The following CASP6 variants were observed in gnomAD, a reference collection of about 807,000 sequenced individuals.
CASP6 encodes the protein caspase 6, also known as caspase-6.
A neutral mutation model predicts 31.8 loss-of-function variants in CASP6; 20 were observed. The ratio of observed to expected loss-of-function variants is 0.63; its 90% CI spans 0.44 to 0.91. The LOEUF (loss-of-function observed/expected upper bound fraction) is 0.91. Among genes scored for constraint, CASP6 ranks in the 40% least tolerant of loss-of-function variants. CASP6 has a pLI of 0.00. For synonymous variants in CASP6, 130 were observed against 127.8 expected, an observed-to-expected ratio of 1.02 and a Z score of -0.12; for missense variants, 328 against 361.1, an observed-to-expected ratio of 0.91 and a Z score of 0.74.
At chr4:109,682,752 C>T in the CASP6 span, 1 of 1,601,856 alleles carries the variant, frequency 6.2e-7, no homozygotes, top group Admixed American at 1.7e-5. Context: ...GGTTAGGAAG[C>T]ATCACGGTTG....
the CASP6 span, among the ~76,000 whole-genome samples, chr4:109,680,734 C>A: frequency 1.3e-5 from 2 of 152,198 alleles, no homozygotes; most frequent in African/African-American, 4.8e-5. Context: ...GGACTACTGA[C>A]ACAAACTGGA....
downstream of CASP6, chr4:109,684,668 T>C (rs1729796654): frequency 8.6e-7 from 1 of 1,158,536 alleles, no homozygotes; most frequent in Admixed American, 1.8e-5. Context: ...GTTAGGAAAA[T>C]GGTAAGTTAG....
chr4:109,664,681 G>C, the CASP6 span, among the ~76,000 whole-genome samples: 2 of 152,078 alleles, frequency 1.3e-5, no homozygotes, highest in African/African-American at 4.8e-5. Flanking sequence ...TTTCCAGAGG[G>C]AGCAAAGTTT....
rs60978760 is a variant in CASP6 at position 109,690,196 on chromosome 4, T to TACAC, written c.644-632_644-629dup. On this transcript the variant is annotated intron_variant, in intron 6 of 6. Coordinates refer to ENST00000265164, the MANE Select transcript of CASP6 (RefSeq NM_001226.4). ...TGAGACTATTAAAAAAAAAAAAAAATACACACACACACACACGTCTGGGCA... is the reference window on the plus strand; with the variant it reads ...TGAGACTATTAAAAAAAAAAAAAAATACACACACACACACACACACGTCTGGGCA... 4.1e-3 allele frequency among the ~76,000 whole-genome samples: 472 copies of TACAC among 113,932 alleles called. 14 individuals carry two copies. The South Asian group carries it at 0.062, about 15-fold the overall frequency. The allele number at this position is 113,932 out of a possible 152,430, so 74.7% of individuals were successfully genotyped here.
chr4:109,705,814 T>A (rs1197068932), upstream of CASP6, among the ~76,000 whole-genome samples: 2 of 136,584 alleles, frequency 1.5e-5, no homozygotes, highest in African/African-American at 5.3e-5. Flanking sequence ...GTCTCTACAA[T>A]TTTTTTTTTT....
chr4:109,672,644 GT>G, the CASP6 span, among the ~76,000 whole-genome samples: 1 of 152,188 alleles, frequency 6.6e-6, no homozygotes, highest in Admixed American at 6.5e-5. Flanking sequence ...ATGTGGGAGA[GT>G]TTCTGGAGGT....
chr4:109,685,698 A>T (rs1399244325), downstream of CASP6, among the ~76,000 whole-genome samples: 1 of 152,250 alleles, frequency 6.6e-6, no homozygotes, highest in Non-Finnish European at 1.5e-5. Flanking sequence ...AAGGAACTTA[A>T]GGCATTTATA....
At chr4:109,687,371 TATATA>T (rs1554021462), downstream of CASP6, 11 of 579,360 alleles carry the variant, frequency 1.9e-5, no homozygotes, top group Middle Eastern at 2.7e-4. Flanking sequence ...GAAAAATATA[TATATA>T]TTTCAGCCAT....
chr4:109,698,248 G>T, intron 2 of CASP6, 52 bp downstream of exon 2: 1 of 1,561,338 alleles, frequency 6.4e-7, no homozygotes, highest in Non-Finnish European at 8.7e-7. Flanking sequence ...TCTGTAGGCT[G>T]ATCATGACCA....
chr4:109,685,417 A>G (rs1416032337), downstream of CASP6: 1 of 770,104 alleles, frequency 1.3e-6, no homozygotes, highest in Non-Finnish European at 2.3e-6. Flanking sequence ...GCCAGAACTT[A>G]GTATCAGGGA....
At chr4:109,674,251 T>C in the CASP6 span, 338 of 673,156 alleles carry the variant, frequency 5.0e-4, 2 homozygotes, top group African/African-American at 5.5e-3. Context: ...TTTTGAATAC[T>C]GGCTTCCTTT....
intron 6 of CASP6, 68 bp downstream of exon 6, chr4:109,690,778 CCAAT>C: frequency 3.4e-6 from 5 of 1,490,184 alleles, no homozygotes; most frequent in Non-Finnish European, 4.5e-6. Flanking sequence ...CTGACCCAAA[CCAAT>C]CAAAGGTGAA....
the CASP6 span, chr4:109,682,849 C>T: frequency 2.5e-6 from 2 of 808,168 alleles, no homozygotes; most frequent in Non-Finnish European, 3.8e-6. Flanking sequence ...TAATTTTCTC[C>T]TTTACGCCTC....
At chr4:109,672,030 A>C in the CASP6 span, among the ~76,000 whole-genome samples, 775 of 152,138 alleles carry the variant, frequency 5.1e-3, 3 homozygotes, top group African/African-American at 0.018. Flanking sequence ...CTGTTAATGT[A>C]GTGGTAAGAT....
At chr4:109,684,390 CCTT>C, downstream of CASP6, 1 of 1,418,570 alleles carries the variant, frequency 7.0e-7, no homozygotes, top group Non-Finnish European at 9.6e-7. Flanking sequence ...GCTTTTTGTC[CCTT>C]TAGTTGGTGT....
chr4:109,705,992 AAAAAAAAAAATATATATAT>A (rs1400597904), upstream of CASP6, among the ~76,000 whole-genome samples: 5 of 72,722 alleles, frequency 6.9e-5, no homozygotes, highest in East Asian at 1.7e-3. Flanking sequence ...AAAAAAAAAA[AAAAAAAAAAATATATATAT>A]ATATATATAT....
At chr4:109,684,816 A>T (rs1356054226), downstream of CASP6, 3 of 534,198 alleles carry the variant, frequency 5.6e-6, no homozygotes, top group Non-Finnish European at 9.8e-6. Context: ...CTCACAACAC[A>T]GAGAAATTAT....
At chr4:109,684,511 G>T (rs370888145), downstream of CASP6, 11 of 1,613,902 alleles carry the variant, frequency 6.8e-6, no homozygotes, top group South Asian at 3.3e-5. Flanking sequence ...GATTGGCACT[G>T]CTGTCCATTC....
At chr4:109,680,582 C>T in the CASP6 span, among the ~76,000 whole-genome samples, 14 of 151,314 alleles carry the variant, frequency 9.3e-5, no homozygotes, top group African/African-American at 3.4e-4. Context: ...AACAAAAGGA[C>T]TCTGACTCTT....
Sources: allele counts gnomAD v4.1 joint callset (sites outside exome capture counted in the v4.1 genomes callset), GRCh38; gene constraint gnomAD v4.1.1; transcripts MANE v1.5; gene names NCBI Gene and HGNC (gene_info 2026-07-23, HGNC 2026-07-21).